CLN5: variants seen among roughly 807,000 people sequenced by gnomAD.
The protein encoded by CLN5 is CLN5 lysosomal BMP synthase.
A neutral mutation model predicts 36.7 loss-of-function variants in CLN5; 34 were observed. That is an observed-to-expected ratio of 0.93 (90% CI 0.71 to 1.23). The LOEUF (loss-of-function observed/expected upper bound fraction) is 1.23. CLN5 is among the 50% of genes most tolerant of loss of function. CLN5 has a pLI of 0.00. For missense variants in CLN5, 427 were observed against 439.4 expected, an observed-to-expected ratio of 0.97 and a Z score of 0.25; for synonymous variants, 151 against 155.1, an observed-to-expected ratio of 0.97 and a Z score of 0.20.
chr13:76,992,210 G>C lies in CLN5; in HGVS notation c.112G>C (p.Val38Leu). The change falls in exon 1 of 4, where the codon GTT becomes CTT. Residue 38 changes from valine to leucine, a missense_variant. By Grantham distance (32) the Val-to-Leu change is conservative. Transcript: ENST00000377453. Reference protein sequence around the residue: ...WALALLWLAVVPGWSRVSGIP... With the variant: ...WALALLWLAVLPGWSRVSGIP... ...CCTGGCGCTGCTTTGGCTCGCGGTG[G>C]TTCCGGGCTGGTCCCGGGTCTCGGG... The C allele has an allele frequency of 6.2e-7, 1 of 1,601,938 alleles. No individual in the cohort carries two copies. Among genetic ancestry groups the C allele is most frequent in the Non-Finnish European group, 8.5e-7 (1 of 1,177,648 alleles).
In CLN5 at chr13:77,002,350, T is replaced by C. The variant is rs904346503; in HGVS notation, c.*1381T>C. 1.3e-5 allele frequency: 2 copies of C among 152,240 alleles called. No individual in the cohort carries two copies. The highest frequency in any genetic ancestry group is 2.9e-5 in the Non-Finnish European group (2 of 68,050). 9.4% of individuals were successfully genotyped at this position (152,240 alleles called of 1,614,324 possible). A position where few individuals can be genotyped will look rare whatever the true frequency, so the allele number is the denominator to read the frequency against. ...TCTGCTGACTGAATTGGATGCACTA[T>C]AGTACAGGCTTTTAGCACCGAAGTG... On this transcript the variant is annotated 3_prime_UTR_variant, in exon 4 of 4. Coordinates refer to ENST00000377453, the MANE Select transcript of CLN5 (RefSeq NM_006493.4).
Position 76,992,212 on chromosome 13 carries a change from T to C in CLN5, c.114T>C (p.Val38=), listed in dbSNP as rs1453178211. The C allele has an allele frequency of 1.2e-6, 2 of 1,600,796 alleles. No homozygotes were observed. The highest frequency in any genetic ancestry group is 2.7e-5 in the African/African-American group (2 of 74,622). Residue 38 remains valine (V), a synonymous_variant, in exon 1 of 4, where the codon GTT becomes GTC. Coordinates refer to ENST00000377453, the MANE Select transcript of CLN5 (RefSeq NM_006493.4). The part of the protein sequence containing the change: ...WALALLWLAV[V]PGWSRVSGIP... ...TGGCGCTGCTTTGGCTCGCGGTGGT[T>C]CCGGGCTGGTCCCGGGTCTCGGGCA...
chr13:76,994,169 A>G (rs896926571), intron 1 of CLN5: 11 of 152,052 alleles, frequency 7.2e-5, no homozygotes, highest in African/African-American at 1.7e-4. Flanking sequence ...GCCCTCCCCA[A>G]TTATAAGGCA....
rs924198525 is a variant in CLN5 at position 76,995,355 on chromosome 13, T to G, written c.339+127T>G. 4.7e-6 allele frequency: 4 copies of G among 846,280 alleles called. No homozygotes were observed. The African/African-American group carries it at 6.7e-5, about 14-fold the overall frequency. The allele number at this position is 846,280 out of a possible 1,614,324, so 52.4% of individuals were successfully genotyped here. On this transcript the variant is annotated intron_variant, in intron 2 of 3. Coordinates refer to ENST00000377453, the MANE Select transcript of CLN5 (RefSeq NM_006493.4). ...CATGTTGGTGTTTGTCTTAGTACAT[T>G]TAAAATGAGTAGTCAAAAATAGTTA...
At position 77,003,007 on chromosome 13, in the gene CLN5, A is replaced by T. The variant is rs2034388829; in HGVS notation, c.*2038A>T. ...ATTCTAATAGTTATGTGAAAAAAGC[A>T]TTCAAGATTTTTGAGTAGGCACAGT... On this transcript the variant is annotated 3_prime_UTR_variant, in exon 4 of 4. Transcript: ENST00000377453. 6.6e-6 allele frequency: 1 copy of T among 152,256 alleles called. No homozygotes were observed. The highest frequency in any genetic ancestry group is 2.1e-4 in the South Asian group (1 of 4,836). The allele number at this position is 152,256 out of a possible 1,614,324, so 9.4% of individuals were successfully genotyped here.
In CLN5 at chr13:76,995,233, G is replaced by T; in HGVS notation, c.339+5G>T. On this transcript the variant is annotated splice_donor_5th_base_variant and intron_variant, in intron 2 of 3. Coordinates refer to ENST00000377453, the MANE Select transcript of CLN5 (RefSeq NM_006493.4). ...GGAGACCTCCTGGGACACTTGGTAA[G>T]GATGCATCTTGGTCTTATAACTTTG... is the stretch of plus-strand genomic sequence containing the variant. 1.2e-6 allele frequency: 2 copies of T among 1,613,714 alleles called. No individual in the cohort carries two copies. The highest frequency in any genetic ancestry group is 1.7e-6 in the Non-Finnish European group (2 of 1,179,680).
In CLN5 at chr13:77,000,778, A is replaced by C; in HGVS notation, c.886A>C (p.Lys296Gln). The C allele has an allele frequency of 6.2e-7, 1 of 1,613,578 alleles. No homozygotes were observed. The highest frequency in any genetic ancestry group is 1.3e-5 in the African/African-American group (1 of 75,006). The change falls in exon 4 of 4, where the codon AAA becomes CAA. Residue 296 changes from lysine (K) to glutamine (Q), a missense_variant. Coordinates refer to ENST00000377453, the MANE Select transcript of CLN5 (RefSeq NM_006493.4). ...LAIKRFYYPF[K>Q]PHLPTKEFLL... ...CATAAAAAGATTTTATTACCCCTTCAAACCACATTTGCCAACTAAAGAATT... is the reference window on the plus strand; with the variant it reads ...CATAAAAAGATTTTATTACCCCTTCCAACCACATTTGCCAACTAAAGAATT...
intron 2 of CLN5, chr13:76,995,448 T>C (rs2034249422): frequency 1.8e-6 from 1 of 567,154 alleles, no homozygotes; most frequent in Non-Finnish European, 3.1e-6. Context: ...ATTATGAATC[T>C]GAAACCAGCT....
chr13:77,000,658 T>C lies in CLN5; in HGVS notation c.766T>C (p.Tyr256His). The change falls in exon 4 of 4, where the codon TAT (tyrosine) becomes CAT (histidine). Residue 256 changes from tyrosine to histidine, a missense_variant. Coordinates refer to ENST00000377453, the MANE Select transcript of CLN5 (RefSeq NM_006493.4). ...AGAGTTCAAGAACATAGAAACCAAC[T>C]ATACAAGAATATTTCTTTACAGTGG... ...GAEFKNIETN[Y>H]TRIFLYSGEP... 6.2e-7 allele frequency: 1 copy of C among 1,614,062 alleles called. No homozygotes were observed. The highest frequency in any genetic ancestry group is 2.2e-5 in the East Asian group (1 of 44,858).
intron 1 of CLN5, 190 bp downstream of exon 1, chr13:76,992,461 T>TA (rs2034197379): frequency 1.6e-6 from 1 of 643,264 alleles, no homozygotes; most frequent in Non-Finnish European, 2.6e-6. Flanking sequence ...AGCCGCTCGT[T>TA]ACGTGCAGCC....
chr13:77,000,397 A>G, intron 3 of CLN5, 61 bp from the exon 4 acceptor site: 1 of 1,508,682 alleles, frequency 6.6e-7, no homozygotes, highest in Non-Finnish European at 8.9e-7. Flanking sequence ...AAAAAAAAAA[A>G]AAAAAATTAA....
At position 76,996,079 on chromosome 13, in the gene CLN5, G is replaced by A. The variant is rs773113834; in HGVS notation, c.517G>A (p.Val173Ile). 1 of 1,614,138 alleles carries A rather than the reference G, an allele frequency of 6.2e-7. No individual in the cohort carries two copies. The highest frequency in any genetic ancestry group is 1.1e-5 in the South Asian group (1 of 91,080). ...AACFFEGIDDVHWKENGTLVQ... is the reference protein window; with the variant it reads ...AACFFEGIDDIHWKENGTLVQ... ...CTGCTTTTTTGAGGGAATTGATGAT[G>A]TTCACTGGAAGGAAAATGGGACATT... Residue 173 changes from valine to isoleucine, a missense_variant, in exon 3 of 4, where the codon GTT becomes ATT. Coordinates refer to ENST00000377453, the MANE Select transcript of CLN5 (RefSeq NM_006493.4).
intron 3 of CLN5, 86 bp downstream of exon 3, chr13:76,996,213 G>A: frequency 2.6e-6 from 3 of 1,174,322 alleles, no homozygotes; most frequent in Non-Finnish European, 3.8e-6. Flanking sequence ...AAACATTTCA[G>A]TAATGTTTTA....
In CLN5 at chr13:77,001,951, G is replaced by A. The variant is rs2034371422; in HGVS notation, c.*982G>A. ...AAGAGGTTGCACTTCTCCGAGAGAG[G>A]ACAGGTTTCTGTTAAGATCACCAAG... On this transcript the variant is annotated 3_prime_UTR_variant, in exon 4 of 4. Transcript: ENST00000377453. 1 of 152,178 alleles carries A rather than the reference G, an allele frequency of 6.6e-6. No individual in the cohort carries two copies. The highest frequency in any genetic ancestry group is 2.4e-5 in the African/African-American group (1 of 41,436). The allele number at this position is 152,178 out of a possible 1,614,324, so 9.4% of individuals were successfully genotyped here.
intron 1 of CLN5, chr13:76,994,795 T>G (rs994780777): frequency 3.2e-5 from 12 of 376,578 alleles, no homozygotes; most frequent in Non-Finnish European, 5.3e-5. Flanking sequence ...CTATAAAAAT[T>G]TTAAGACAAA....
chr13:76,999,528 A>G (rs1292051934), intron 3 of CLN5: 3 of 152,360 alleles, frequency 2.0e-5, no homozygotes, highest in Admixed American at 6.5e-5. Flanking sequence ...CATCCCAGCA[A>G]CTCCAAGTAC....
At chr13:76,995,459 C>T in intron 2 of CLN5, 1 of 549,496 alleles carries the variant, frequency 1.8e-6, no homozygotes, top group Non-Finnish European at 3.2e-6. Flanking sequence ...GAAACCAGCT[C>T]CTGTACCTAG....
intron 3 of CLN5, 83 bp downstream of exon 3, chr13:76,996,210 T>C: frequency 8.5e-7 from 1 of 1,176,600 alleles, no homozygotes; most frequent in East Asian, 2.3e-5. Flanking sequence ...TTGAAACATT[T>C]CAGTAATGTT....
chr13:77,004,662 T>C lies in CLN5; in HGVS notation c.*3693T>C, dbSNP rs910321171. The C allele has an allele frequency of 1.3e-5, 2 of 151,922 alleles. No homozygotes were observed. The highest frequency in any genetic ancestry group is 2.4e-5 in the African/African-American group (1 of 41,356). 9.4% of individuals were successfully genotyped at this position (151,922 alleles called of 1,614,324 possible). On this transcript the variant is annotated 3_prime_UTR_variant, in exon 4 of 4. Coordinates refer to ENST00000377453, the MANE Select transcript of CLN5 (RefSeq NM_006493.4). The stretch of plus-strand genomic sequence containing the variant: ...CTATCTATGTGTGGGGTAGAAATTA[T>C]AGTGTGTTAAAGGACCTAGTGTAAA...
Sources: gnomAD v4.1 joint callset for allele counts on GRCh38, gnomAD v4.1.1 for gene constraint, MANE v1.5 for transcripts, NCBI Gene and HGNC (gene_info 2026-07-23, HGNC 2026-07-21) for gene names.